Variants in CDADC1 observed in about 807,000 individuals in gnomAD.
CDADC1 encodes the protein cytidine and dCMP deaminase domain containing 1, also known as dCTP deaminase.
Under a neutral mutation model 54.9 loss-of-function variants are expected in CDADC1, and 39 were observed. That is an observed-to-expected ratio of 0.71 (90% CI 0.55 to 0.93). The LOEUF (loss-of-function observed/expected upper bound fraction) is 0.93. CDADC1 is among the 40% of genes least tolerant of loss of function. The probability of loss-of-function intolerance (pLI) is 0.00; values close to 1 mark genes in which losing one functional copy is unlikely to be tolerated. For missense variants in CDADC1, 518 were observed against 618.8 expected (o/e 0.84, Z 1.73); for synonymous variants, 186 against 204.0 (o/e 0.91, Z 0.75).
chr13:49,259,775 A>G (rs1464847581), intron 4 of CDADC1, among the ~76,000 whole-genome samples: 5 of 152,048 alleles, frequency 3.3e-5, no homozygotes, highest in African/African-American at 9.7e-5. Context: ...TGAGCCCAGG[A>G]TGTCAAGGAT....
intron 3 of CDADC1, among the ~76,000 whole-genome samples, chr13:49,258,829 A>T (rs1414186112): frequency 6.6e-6 from 1 of 152,260 alleles, no homozygotes; most frequent in East Asian, 1.9e-4. Context: ...ATTGAGAATT[A>T]TCTTTTCTTT....
intron 2 of CDADC1, among the ~76,000 whole-genome samples, chr13:49,254,474 C>T (rs1207239234): frequency 6.7e-6 from 1 of 150,152 alleles, no homozygotes; most frequent in East Asian, 2.0e-4. Flanking sequence ...GTGATCTCGG[C>T]TCACTGCAAC....
At chr13:49,291,326 C>T (rs1387210306) in intron 9 of CDADC1, among the ~76,000 whole-genome samples, 2 of 122,622 alleles carry the variant, frequency 1.6e-5, no homozygotes, top group Non-Finnish European at 3.6e-5. Flanking sequence ...CGCCACAACA[C>T]CTGTTTAAAA....
chr13:49,274,637 C>A (rs916809508), intron 6 of CDADC1, among the ~76,000 whole-genome samples: 2 of 151,850 alleles, frequency 1.3e-5, no homozygotes, highest in Non-Finnish European at 2.9e-5. Flanking sequence ...TGCCACTGCA[C>A]TCCAGCCTGG....
chr13:49,258,412 T>A (rs1037004922), intron 3 of CDADC1, among the ~76,000 whole-genome samples: 1 of 152,250 alleles, frequency 6.6e-6, no homozygotes, highest in Non-Finnish European at 1.5e-5. Flanking sequence ...ATAGACTGTT[T>A]TGTGCCTTAT....
chr13:49,268,122 C>G (rs772365677), intron 5 of CDADC1, 63 bp downstream of exon 5: 18 of 1,278,550 alleles, frequency 1.4e-5, no homozygotes, highest in Non-Finnish European at 2.0e-5. Flanking sequence ...CTGAAGTGTT[C>G]GTCTCATTTA....
intron 6 of CDADC1, among the ~76,000 whole-genome samples, chr13:49,276,334 G>T (rs564430568): frequency 6.6e-6 from 1 of 152,240 alleles, no homozygotes; most frequent in Non-Finnish European, 1.5e-5. Context: ...ATGAGGTAGG[G>T]CTAGACAGAA....
At chr13:49,261,460 A>C (rs1406279590) in intron 4 of CDADC1, among the ~76,000 whole-genome samples, 1 of 152,178 alleles carries the variant, frequency 6.6e-6, no homozygotes, top group East Asian at 1.9e-4. Flanking sequence ...TGTTCAACTG[A>C]CCTACAGTTC....
rs1442339249 is a variant in CDADC1 at position 49,292,173 on chromosome 13, G to A, written c.*416G>A. 3 of 1,002,564 alleles carry A rather than the reference G, an allele frequency of 3.0e-6. No individual in the cohort carries two copies. The highest frequency in any genetic ancestry group is 3.6e-6 in the Non-Finnish European group (3 of 839,090). 62.1% of individuals were successfully genotyped at this position (1,002,564 alleles called of 1,614,324 possible). A position where few individuals can be genotyped will look rare whatever the true frequency, so the allele number is the denominator to read the frequency against. ...GAGTGACAGTTAGTAAACTGCTCCA[G>A]GGAAATAAGTGTCATCTTTTAAGAG... On this transcript the variant is annotated 3_prime_UTR_variant, in exon 10 of 10. Transcript: ENST00000251108.
chr13:49,251,531 A>G (rs9535174), intron 2 of CDADC1, among the ~76,000 whole-genome samples: 44,964 of 151,866 alleles, frequency 0.3, 6,778 homozygotes, highest in East Asian at 0.5. Flanking sequence ...TTATATACAC[A>G]CCACATCCTG....
chr13:49,256,954 T>C (rs1194109435), intron 3 of CDADC1, among the ~76,000 whole-genome samples: 3 of 152,208 alleles, frequency 2.0e-5, no homozygotes, highest in Admixed American at 2.0e-4. Flanking sequence ...CATGTTTTAG[T>C]GTAAAACTCT....
chr13:49,285,652 G>T (rs988263807), intron 8 of CDADC1, among the ~76,000 whole-genome samples: 1 of 151,980 alleles, frequency 6.6e-6, no homozygotes, highest in Non-Finnish European at 1.5e-5. Flanking sequence ...CCAATCCTCT[G>T]GTCTTCCACT....
Position 49,267,501 on chromosome 13 carries a change from C to T in CDADC1, c.442C>T (p.Arg148Ter), listed in dbSNP as rs1016562307. Residue 148 changes from arginine (R) to a stop codon, truncating the protein, a stop_gained, in exon 5 of 10, where the codon CGA becomes TGA. Transcript: ENST00000251108. LOFTEE classifies it high-confidence loss of function. ...LKMIVNAGVN[R>*]ISYWPADPEI... ...ATTTTGTATTTCAGCTGGAGTTAAC[C>T]GAATTTCATACTGGCCTGCTGATCC... 7.5e-6 allele frequency: 12 copies of T among 1,609,244 alleles called. No homozygotes were observed. Among genetic ancestry groups the T allele is most frequent in the African/African-American group, 2.7e-5 (2 of 74,682 alleles).
intron 6 of CDADC1, among the ~76,000 whole-genome samples, chr13:49,275,531 G>T (rs1317661226): frequency 2.0e-5 from 3 of 150,934 alleles, no homozygotes; most frequent in South Asian, 2.1e-4. Flanking sequence ...CATTTGATTT[G>T]GCACATAGAG....
At chr13:49,256,729 T>C (rs1952557362) in intron 3 of CDADC1, among the ~76,000 whole-genome samples, 2 of 152,248 alleles carry the variant, frequency 1.3e-5, no homozygotes, top group South Asian at 2.1e-4. Flanking sequence ...AGACTAAGCA[T>C]GTATGTTTTG....
chr13:49,262,827 C>T (rs1228211194), intron 4 of CDADC1, among the ~76,000 whole-genome samples: 3 of 152,162 alleles, frequency 2.0e-5, no homozygotes, highest in African/African-American at 7.2e-5. Context: ...TGCACCCAGC[C>T]TGTTTCCATA....
At chr13:49,281,212 G>A (rs529736677) in intron 8 of CDADC1, among the ~76,000 whole-genome samples, 1 of 152,228 alleles carries the variant, frequency 6.6e-6, no homozygotes, top group African/African-American at 2.4e-5. Flanking sequence ...TTCAGCTAAG[G>A]ATTCCTGCCT....
At chr13:49,274,244 C>G (rs748582906) in intron 5 of CDADC1, 47 bp from the exon 6 acceptor site, 1 of 1,402,732 alleles carries the variant, frequency 7.1e-7, no homozygotes, top group Non-Finnish European at 9.9e-7. Flanking sequence ...ATTTCTAAAA[C>G]TAACATATCA....
At position 49,292,449 on chromosome 13, in the gene CDADC1, T is replaced by C. The variant is rs1022580221; in HGVS notation, c.*692T>C. On this transcript the variant is annotated 3_prime_UTR_variant, in exon 10 of 10. Coordinates refer to ENST00000251108, the MANE Select transcript of CDADC1 (RefSeq NM_030911.4). Reference sequence around the variant, plus strand: ...CTCTTGAAATCACTAACAGTGAACCTCAAATTTGGTTATGATGTTAACAGA... The same window carrying C: ...CTCTTGAAATCACTAACAGTGAACCCCAAATTTGGTTATGATGTTAACAGA... 4 of 1,011,408 alleles carry C rather than the reference T, an allele frequency of 4.0e-6. No individual in the cohort carries two copies. The highest frequency in any genetic ancestry group is 4.7e-6 in the Non-Finnish European group (4 of 845,562). 62.7% of individuals were successfully genotyped at this position (1,011,408 alleles called of 1,614,324 possible).
Sources: allele counts gnomAD v4.1 joint callset (sites outside exome capture counted in the v4.1 genomes callset), GRCh38; gene constraint gnomAD v4.1.1; transcripts MANE v1.5; gene names NCBI Gene and HGNC (gene_info 2026-07-23, HGNC 2026-07-21).